The following MAGI2 variants were observed in gnomAD, a reference collection of about 807,000 sequenced individuals.
MAGI2 encodes membrane-associated guanylate kinase, WW and PDZ domain-containing protein 2.
Under a neutral mutation model 133.3 loss-of-function variants are expected in MAGI2, and 35 were observed. That is an observed-to-expected ratio of 0.26 (90% CI 0.20 to 0.35). MAGI2 has a LOEUF of 0.35. MAGI2 is among the 10% of genes least tolerant of loss of function. The pLI, the probability that MAGI2 is intolerant of heterozygous loss-of-function variation, is 1.00. For synonymous variants in MAGI2, 729 were observed against 710.6 expected (o/e 1.03, Z -0.41); for missense variants, 1,636 against 1,863.4 (o/e 0.88, Z 2.25).
chr7:78,479,539 G>A (rs895265259), intron 6 of MAGI2, among the ~76,000 whole-genome samples: 67 of 152,012 alleles, frequency 4.4e-4, no homozygotes, highest in African/African-American at 1.4e-3. Flanking sequence ...GGAGAACTAA[G>A]CAGACCAAAA....
At chr7:78,520,328 T>G (rs9692191) in intron 4 of MAGI2, among the ~76,000 whole-genome samples, 3 of 152,112 alleles carry the variant, frequency 2.0e-5, no homozygotes, top group African/African-American at 7.2e-5. Context: ...ATGAAGTTTT[T>G]CGCTGATAAA....
chr7:78,487,625 G>A (rs1441145158), intron 6 of MAGI2, among the ~76,000 whole-genome samples: 3 of 151,990 alleles, frequency 2.0e-5, no homozygotes, highest in Non-Finnish European at 4.4e-5. Context: ...AAACTCTGGT[G>A]GCCAAACACT....
chr7:79,186,231 TATATATA>T lies in MAGI2; in HGVS notation c.302-179032_302-179026del, dbSNP rs1562973173. Among the ~76,000 whole-genome samples the T allele has an allele frequency of 3.9e-3, 512 of 131,270 alleles. 9 individuals carry two copies. The highest frequency in any genetic ancestry group is 0.014 in the African/African-American group (480 of 34,202). The allele number at this position is 131,270 out of a possible 152,430, so 86.1% of individuals were successfully genotyped here. On this transcript the variant is annotated intron_variant, in intron 1 of 21. Coordinates refer to ENST00000354212, the MANE Select transcript of MAGI2 (RefSeq NM_012301.4). Reference sequence around the variant, plus strand: ...ATATATATATATATATATATATATATATATATATATATTTATATTTATTTATTTATAA... The same window carrying T: ...ATATATATATATATATATATATATATTATATTTATATTTATTTATTTATAA...
chr7:78,017,588 T>C lies in MAGI2; in HGVS notation c.*1727A>G, dbSNP rs767578936. Reference sequence around the variant, plus strand: ...TTAAACCAAAAGCATTATAAACTGCTACAAGTGTTTGTGCTTTTGTTTACG... The same window carrying C: ...TTAAACCAAAAGCATTATAAACTGCCACAAGTGTTTGTGCTTTTGTTTACG... On this transcript the variant is annotated 3_prime_UTR_variant, in exon 22 of 22. Transcript: ENST00000354212. 1 of 152,654 alleles carries C rather than the reference T, an allele frequency of 6.6e-6. No individual in the cohort carries two copies. Among genetic ancestry groups the C allele is most frequent in the African/African-American group, 2.4e-5 (1 of 41,474 alleles). 9.5% of individuals were successfully genotyped at this position (152,654 alleles called of 1,614,324 possible).
chr7:78,850,804 T>A (rs188561153), intron 2 of MAGI2, among the ~76,000 whole-genome samples: 1 of 152,076 alleles, frequency 6.6e-6, no homozygotes, highest in Non-Finnish European at 1.5e-5. Flanking sequence ...TGACTGGATT[T>A]GACATTTTTA....
intron 1 of MAGI2, among the ~76,000 whole-genome samples, chr7:79,093,130 T>C (rs1817209495): frequency 6.6e-6 from 1 of 151,882 alleles, no homozygotes; most frequent in Non-Finnish European, 1.5e-5. Context: ...CAATGGCTTA[T>C]TCTGGAATTG....
chr7:79,260,279 C>T (rs370540405), intron 1 of MAGI2, among the ~76,000 whole-genome samples: 5 of 152,004 alleles, frequency 3.3e-5, no homozygotes, highest in Non-Finnish European at 5.9e-5. Flanking sequence ...TGACTTGAGC[C>T]CGTGAGATTG....
intron 7 of MAGI2, among the ~76,000 whole-genome samples, chr7:78,346,346 T>C (rs1193339523): frequency 6.6e-6 from 1 of 152,198 alleles, no homozygotes; most frequent in Non-Finnish European, 1.5e-5. Flanking sequence ...TGAGATGAGT[T>C]TAATATGCAT....
intron 9 of MAGI2, among the ~76,000 whole-genome samples, chr7:78,294,747 C>A (rs954744833): frequency 6.6e-6 from 1 of 152,098 alleles, no homozygotes. Context: ...CTCGGTACTA[C>A]GCTAAGTACG....
chr7:78,962,741 T>G (rs1424117964), intron 2 of MAGI2, among the ~76,000 whole-genome samples: 1 of 151,988 alleles, frequency 6.6e-6, no homozygotes, highest in African/African-American at 2.4e-5. Flanking sequence ...TTTAACTTAG[T>G]GGCAAAGATA....
chr7:79,101,478 A>C (rs1235680406), intron 1 of MAGI2, among the ~76,000 whole-genome samples: 1 of 152,128 alleles, frequency 6.6e-6, no homozygotes, highest in Non-Finnish European at 1.5e-5. Context: ...TAATTCCAGC[A>C]CTTTGGGAGG....
chr7:78,052,781 T>A (rs1812151834), intron 21 of MAGI2, among the ~76,000 whole-genome samples: 1 of 152,208 alleles, frequency 6.6e-6, no homozygotes, highest in South Asian at 2.1e-4. Context: ...ACCCACTGGT[T>A]TTGCTCTTCA....
At chr7:78,744,998 A>C (rs1164568657) in intron 2 of MAGI2, among the ~76,000 whole-genome samples, 3 of 152,162 alleles carry the variant, frequency 2.0e-5, no homozygotes, top group Non-Finnish European at 4.4e-5. Flanking sequence ...TGCCTAACAA[A>C]CATTAACACG....
At chr7:79,076,051 G>T (rs557632446) in intron 1 of MAGI2, among the ~76,000 whole-genome samples, 2 of 152,112 alleles carry the variant, frequency 1.3e-5, no homozygotes, top group Admixed American at 6.5e-5. Context: ...TTATAATCTC[G>T]TTATACTTAA....
rs554240680 is a variant in MAGI2 at position 79,188,651 on chromosome 7, G to T, written c.302-181445C>A. 5.3e-5 allele frequency among the ~76,000 whole-genome samples: 8 copies of T among 151,872 alleles called. No individual in the cohort carries two copies. In the East Asian group the frequency reaches 1.4e-3, roughly 26 times the overall value. On this transcript the variant is annotated intron_variant, in intron 1 of 21. Coordinates refer to ENST00000354212, the MANE Select transcript of MAGI2 (RefSeq NM_012301.4). The stretch of plus-strand genomic sequence containing the variant: ...ATATATATAATAAACAATCACTGAG[G>T]TCACTTTCAAAGCTAAAAAGCGCTA...
At chr7:78,713,776 CAATGCATGGAAA>C (rs1819436874) in intron 2 of MAGI2, among the ~76,000 whole-genome samples, 2 of 152,080 alleles carry the variant, frequency 1.3e-5, no homozygotes, top group Admixed American at 1.3e-4. Flanking sequence ...TGTATACTCA[CAATGCATGGAAA>C]AATGCATGGA....
intron 1 of MAGI2, among the ~76,000 whole-genome samples, chr7:79,043,557 A>G (rs1231478619): frequency 1.3e-5 from 2 of 150,802 alleles, no homozygotes; most frequent in East Asian, 3.9e-4. Context: ...AAAAAAAAAA[A>G]AAAAAAAGAA....
At chr7:78,161,676 AAAAAAAAAAAAG>A (rs1483591035) in intron 15 of MAGI2, among the ~76,000 whole-genome samples, 6 of 146,786 alleles carry the variant, frequency 4.1e-5, no homozygotes, top group Non-Finnish European at 9.0e-5. Context: ...CTAAAAAAAA[AAAAAAAAAAAAG>A]AAAAAAAAAA....
At position 78,600,184 on chromosome 7, in the gene MAGI2, A is replaced by G. The variant is rs559770471; in HGVS notation, c.538+26936T>C. On this transcript the variant is annotated intron_variant, in intron 3 of 21. Transcript: ENST00000354212. ...CCTAAATACATAAAGAATTAAACAC[A>G]TTTTTATCCCCTCTCCTGTCTCCAA... Among the ~76,000 whole-genome samples the G allele has an allele frequency of 2.6e-5, 4 of 152,300 alleles. No homozygotes were observed. In the South Asian group the frequency reaches 8.3e-4, roughly 32 times the overall value.
Sources: allele counts gnomAD v4.1 joint callset (sites outside exome capture counted in the v4.1 genomes callset), GRCh38; gene constraint gnomAD v4.1.1; transcripts MANE v1.5; gene names NCBI Gene and HGNC (gene_info 2026-07-23, HGNC 2026-07-21).